Variants in HPSE2 observed in about 807,000 individuals in gnomAD.
HPSE2 encodes the protein heparanase 2 (inactive), also known as inactive heparanase-2.
Under a neutral mutation model 60.5 loss-of-function variants are expected in HPSE2, and 38 were observed. The observed-to-expected ratio is 0.63, with a 90% CI of 0.48 to 0.82. The LOEUF (loss-of-function observed/expected upper bound fraction) is 0.82, where lower values mean the gene tolerates loss of function less well. Ranked by LOEUF, HPSE2 falls within the 40% of genes least tolerant of loss-of-function variation. HPSE2 has a pLI of 0.00. For missense variants in HPSE2, 713 were observed against 740.4 expected, an observed-to-expected ratio of 0.96 and a Z score of 0.43; for synonymous variants, 295 against 293.2, an observed-to-expected ratio of 1.01 and a Z score of -0.06.
At chr10:98,666,394 G>A (rs1299335308) in intron 6 of HPSE2, among the ~76,000 whole-genome samples, 1 of 152,064 alleles carries the variant, frequency 6.6e-6, no homozygotes, top group African/African-American at 2.4e-5. Context: ...TAACTAACAA[G>A]GAAAGTCTAG....
chr10:98,538,970 T>C (rs1943375121), intron 9 of HPSE2, among the ~76,000 whole-genome samples: 1 of 152,168 alleles, frequency 6.6e-6, no homozygotes, highest in Admixed American at 6.5e-5. Context: ...CTTGTCTAAA[T>C]TGTCCATAGG....
At chr10:98,916,010 C>G (rs1457915385) in intron 3 of HPSE2, among the ~76,000 whole-genome samples, 5 of 152,096 alleles carry the variant, frequency 3.3e-5, no homozygotes, top group Admixed American at 6.6e-5. Flanking sequence ...ATTTAGTTGC[C>G]CTGTTCTAGC....
intron 9 of HPSE2, among the ~76,000 whole-genome samples, chr10:98,600,875 G>GTATA (rs372017642): frequency 0.45 from 53,591 of 118,632 alleles, 13,967 homozygotes; most frequent in Admixed American, 0.56. Context: ...ACGTATATAT[G>GTATA]TATATATACA....
chr10:98,805,948 A>T (rs1951032386), intron 3 of HPSE2, among the ~76,000 whole-genome samples: 1 of 152,194 alleles, frequency 6.6e-6, no homozygotes, highest in Non-Finnish European at 1.5e-5. Context: ...AGAAAACCCA[A>T]AATCTATATA....
intron 9 of HPSE2, among the ~76,000 whole-genome samples, chr10:98,515,554 T>A (rs1942574784): frequency 6.6e-6 from 1 of 152,168 alleles, no homozygotes; most frequent in Admixed American, 6.5e-5. Context: ...TAAAATAGAA[T>A]TATCCTGTTT....
chr10:99,079,567 C>A (rs2862510), intron 3 of HPSE2, among the ~76,000 whole-genome samples: 77,130 of 151,904 alleles, frequency 0.51, 21,359 homozygotes, highest in East Asian at 0.65. Context: ...TTATGGTAAA[C>A]GCCAGCCTAA....
intron 3 of HPSE2, among the ~76,000 whole-genome samples, chr10:98,833,091 A>G (rs1164971910): frequency 1.3e-5 from 2 of 152,188 alleles, no homozygotes; most frequent in African/African-American, 4.8e-5. Flanking sequence ...GATTATTCTG[A>G]TTTATCAACA....
In HPSE2 at chr10:98,656,085, T is replaced by TG. The variant is rs574394576; in HGVS notation, c.1005-14146_1005-14145insC. 2.7e-4 allele frequency among the ~76,000 whole-genome samples: 41 copies of TG among 151,488 alleles called. No homozygotes were observed. The South Asian group carries it at 8.1e-3, about 30-fold the overall frequency. ...TTCACATTAGTTTCCTATTTGAGTT[T>TG]TTTTTTTTTTTTTTTAATTGAGACA... On this transcript the variant is annotated intron_variant, in intron 6 of 11. Transcript: ENST00000370552.
chr10:98,582,315 C>A (rs1195219580), intron 9 of HPSE2, among the ~76,000 whole-genome samples: 1 of 152,166 alleles, frequency 6.6e-6, no homozygotes, highest in Non-Finnish European at 1.5e-5. Context: ...ATAGAAAGAT[C>A]TTTAAAATAG....
intron 3 of HPSE2, among the ~76,000 whole-genome samples, chr10:98,853,091 C>A (rs1952222326): frequency 6.6e-6 from 1 of 152,152 alleles, no homozygotes; most frequent in East Asian, 1.9e-4. Context: ...TTGCAAATGT[C>A]ACAGAGACAT....
chr10:99,061,568 T>A (rs144286429), intron 3 of HPSE2, among the ~76,000 whole-genome samples: 1,636 of 152,340 alleles, frequency 0.011, 24 homozygotes, highest in African/African-American at 0.035. Context: ...CTGTAAAGTA[T>A]GTAGTAGATG....
chr10:98,516,374 A>G (rs973359332), intron 9 of HPSE2, among the ~76,000 whole-genome samples: 2 of 152,208 alleles, frequency 1.3e-5, no homozygotes, highest in African/African-American at 4.8e-5. Context: ...TGAATGAATG[A>G]ATGTACTAAA....
At chr10:99,154,823 T>G (rs1303830758) in intron 2 of HPSE2, among the ~76,000 whole-genome samples, 1 of 151,654 alleles carries the variant, frequency 6.6e-6, no homozygotes, top group Non-Finnish European at 1.5e-5. Flanking sequence ...GGATAAAGAG[T>G]CAAGACCCAT....
At chr10:98,906,075 T>G (rs1953808100) in intron 3 of HPSE2, among the ~76,000 whole-genome samples, 1 of 152,184 alleles carries the variant, frequency 6.6e-6, no homozygotes, top group Non-Finnish European at 1.5e-5. Flanking sequence ...TGTGAGAGTC[T>G]GAAGGTCTGA....
intron 3 of HPSE2, among the ~76,000 whole-genome samples, chr10:98,996,849 G>T (rs1956651561): frequency 6.6e-6 from 1 of 152,120 alleles, no homozygotes; most frequent in African/African-American, 2.4e-5. Context: ...CAGATGAGTG[G>T]TTGCTTAGAA....
chr10:99,203,437 C>T (rs561336033), intron 2 of HPSE2, among the ~76,000 whole-genome samples: 1 of 152,206 alleles, frequency 6.6e-6, no homozygotes, highest in South Asian at 2.1e-4. Flanking sequence ...CCATCCAAGC[C>T]AGGTCAGCAA....
chr10:98,689,860 A>C (rs1269945212), intron 6 of HPSE2, among the ~76,000 whole-genome samples: 1 of 152,180 alleles, frequency 6.6e-6, no homozygotes, highest in African/African-American at 2.4e-5. Flanking sequence ...CAGACTTTAC[A>C]CCTAAGGCAT....
chr10:99,177,818 A>T (rs1364531832), intron 2 of HPSE2, among the ~76,000 whole-genome samples: 2 of 152,218 alleles, frequency 1.3e-5, no homozygotes, highest in Non-Finnish European at 2.9e-5. Flanking sequence ...CAGATTATAC[A>T]TTCTTCTCAG....
intron 1 of HPSE2, among the ~76,000 whole-genome samples, chr10:99,235,210 G>T (rs1849800589): frequency 6.6e-6 from 1 of 151,974 alleles, no homozygotes; most frequent in South Asian, 2.1e-4. Context: ...TTCTTTTTCA[G>T]AAGTAGACGG....
Sources: allele counts gnomAD v4.1 joint callset (sites outside exome capture counted in the v4.1 genomes callset), GRCh38; gene constraint gnomAD v4.1.1; transcripts MANE v1.5; gene names NCBI Gene and HGNC (gene_info 2026-07-23, HGNC 2026-07-21).